BASP1: variants seen among roughly 807,000 people sequenced by gnomAD.
BASP1 encodes the protein brain abundant membrane attached signal protein 1, also known as brain acid soluble protein 1.
BASP1 carries 1 observed loss-of-function variant against 2.2 expected under a neutral mutation model. That is an observed-to-expected ratio of 0.46 (90% CI 0.16 to 2.17). The LOEUF is 2.17. Among genes scored for constraint, BASP1 ranks in the 30% most tolerant of loss-of-function variants. The probability of loss-of-function intolerance (pLI) is 0.27; values close to 1 mark genes in which losing one functional copy is unlikely to be tolerated. For synonymous variants in BASP1, 187 were observed against 154.2 expected (o/e 1.21, Z -1.58); for missense variants, 352 against 327.2 (o/e 1.08, Z -0.58).
At position 17,275,430 on chromosome 5, in the gene BASP1, G is replaced by A. The variant is rs1309059503; in HGVS notation, c.214G>A (p.Glu72Lys). The A allele has an allele frequency of 7.1e-6, 11 of 1,540,748 alleles. No individual in the cohort carries two copies. The South Asian group carries it at 8.4e-5, about 12-fold the overall frequency. Residue 72 changes from glutamate (E) to lysine (K), a missense_variant, in exon 2 of 2, where the codon GAG becomes AAG. Transcript: ENST00000322611. The surrounding 1 kb of genome is among the most constrained non-coding windows in gnomAD (Gnocchi z 5.3). ...AEGKAEEKEGEKDAAAAKEEA... is the reference protein window; with the variant it reads ...AEGKAEEKEGKKDAAAAKEEA... ...GGGCAAGGCCGAGGAGAAGGAGGGC[G>A]AGAAGGACGCGGCGGCTGCCAAGGA...
intron 1 of BASP1, among the ~76,000 whole-genome samples, chr5:17,225,381 A>G (rs1477908315): frequency 2.0e-5 from 3 of 151,840 alleles, no homozygotes; most frequent in Non-Finnish European, 4.4e-5. Flanking sequence ...TGCAGTCACT[A>G]CCTGCTGCCA....
chr5:17,266,542 C>T (rs993154673), intron 1 of BASP1, among the ~76,000 whole-genome samples: 1 of 152,202 alleles, frequency 6.6e-6, no homozygotes, highest in Non-Finnish European at 1.5e-5. Context: ...CATGGTGGCT[C>T]ACGCCTGTAA....
chr5:17,230,667 G>A (rs1226564259), intron 1 of BASP1, among the ~76,000 whole-genome samples: 1 of 151,986 alleles, frequency 6.6e-6, no homozygotes, highest in African/African-American at 2.4e-5. Flanking sequence ...GAGTTCAAGC[G>A]ATTCTCCTGC....
chr5:17,257,327 A>AAAAG (rs10693361), intron 1 of BASP1, among the ~76,000 whole-genome samples: 1 of 151,484 alleles, frequency 6.6e-6, no homozygotes, highest in African/African-American at 2.4e-5. Context: ...AACAAAACAA[A>AAAAG]AAGAGTGATT....
At chr5:17,225,233 T>C (rs1739473877) in intron 1 of BASP1, among the ~76,000 whole-genome samples, 1 of 150,792 alleles carries the variant, frequency 6.6e-6, no homozygotes, top group Non-Finnish European at 1.5e-5. Context: ...AACGTAAAAC[T>C]TTTTTTTCTA....
intron 1 of BASP1, among the ~76,000 whole-genome samples, chr5:17,232,388 G>C (rs1039990969): frequency 1.3e-5 from 2 of 152,194 alleles, no homozygotes; most frequent in African/African-American, 4.8e-5. Flanking sequence ...CCCTAGAAAA[G>C]CAGGTGGCTT....
chr5:17,264,659 T>C (rs765652187), intron 1 of BASP1, among the ~76,000 whole-genome samples: 3 of 152,184 alleles, frequency 2.0e-5, no homozygotes, highest in South Asian at 4.1e-4. Context: ...CTTGTCTTGA[T>C]TGCAATGATG....
Position 17,218,150 on chromosome 5 carries a change from C to G in BASP1, c.-10+340C>G, listed in dbSNP as rs889918208. On this transcript the variant is annotated intron_variant, in intron 1 of 1. Coordinates refer to ENST00000322611, the MANE Select transcript of BASP1 (RefSeq NM_006317.5). ...GGGAGGAATTGCCGAATGCGAAACC[C>G]CCTCAGTGCGTTGAGTCCCGGGGAG... 4.6e-5 allele frequency among the ~76,000 whole-genome samples: 7 copies of G among 151,946 alleles called. No homozygotes were observed. In the East Asian group the frequency reaches 1.4e-3, roughly 30 times the overall value.
In BASP1 at chr5:17,236,861, A is replaced by G. The variant is rs1167278948; in HGVS notation, c.-10+19051A>G. On this transcript the variant is annotated intron_variant, in intron 1 of 1. Coordinates refer to ENST00000322611, the MANE Select transcript of BASP1 (RefSeq NM_006317.5). This position sits in a 1 kb window ranked among gnomAD's most constrained non-coding sequence, Gnocchi z 4.0. ...TTGGTATCTTCTAATCTTCAGAAAA[A>G]AATTCTTAATAGGCAGTCGATGTAA... Among the ~76,000 whole-genome samples the G allele has an allele frequency of 6.6e-6, 1 of 152,208 alleles. No homozygotes were observed. The highest frequency in any genetic ancestry group is 1.9e-4 in the East Asian group (1 of 5,194).
intron 1 of BASP1, among the ~76,000 whole-genome samples, chr5:17,231,559 C>T (rs1739634627): frequency 1.3e-5 from 2 of 152,148 alleles, no homozygotes; most frequent in Admixed American, 1.3e-4. Context: ...TTCAGCCATA[C>T]CAACAGGCTC....
intron 1 of BASP1, among the ~76,000 whole-genome samples, chr5:17,239,267 G>A (rs1016983401): frequency 2.0e-5 from 3 of 152,036 alleles, no homozygotes; most frequent in Non-Finnish European, 2.9e-5. Flanking sequence ...CTAATTTTTT[G>A]TATTTTCAGT....
At chr5:17,273,731 T>C (rs1196662871) in intron 1 of BASP1, among the ~76,000 whole-genome samples, 1 of 152,222 alleles carries the variant, frequency 6.6e-6, no homozygotes, top group Non-Finnish European at 1.5e-5. Flanking sequence ...GTGTGTACAG[T>C]TCTGCCAGTG....
At chr5:17,237,293 G>A (rs984618462) in intron 1 of BASP1, among the ~76,000 whole-genome samples, 12 of 151,944 alleles carry the variant, frequency 7.9e-5, no homozygotes, top group African/African-American at 2.2e-4. Context: ...GCAGTGAGCC[G>A]AGATCGCACC....
intron 1 of BASP1, among the ~76,000 whole-genome samples, chr5:17,232,208 C>T (rs971665317): frequency 2.6e-5 from 4 of 152,164 alleles, no homozygotes; most frequent in African/African-American, 9.7e-5. Context: ...TTGTGGGAAC[C>T]TTTCAGAAAC....
chr5:17,233,622 C>T (rs987332927), intron 1 of BASP1, among the ~76,000 whole-genome samples: 1 of 152,168 alleles, frequency 6.6e-6, no homozygotes, highest in Non-Finnish European at 1.5e-5. Context: ...TGTTTGGAAG[C>T]CTTGGCTCAT....
chr5:17,245,708 C>A (rs1579490829), intron 1 of BASP1, among the ~76,000 whole-genome samples: 1 of 147,694 alleles, frequency 6.8e-6, no homozygotes. Flanking sequence ...TTTTAAAAAA[C>A]AAAAACTTAC....
chr5:17,266,178 G>A (rs901480046), intron 1 of BASP1, among the ~76,000 whole-genome samples: 1 of 152,222 alleles, frequency 6.6e-6, no homozygotes, highest in African/African-American at 2.4e-5. Context: ...ACCCTGGTGT[G>A]TCTCTGACAG....
At position 17,275,545 on chromosome 5, in the gene BASP1, C is replaced by T; in HGVS notation, c.329C>T (p.Ala110Val). Residue 110 changes from alanine to valine, a missense_variant, in exon 2 of 2, where the codon GCC (alanine) becomes GTC (valine). Transcript: ENST00000322611. This position sits in a 1 kb window ranked among gnomAD's most constrained non-coding sequence, Gnocchi z 5.3. ...PPKAPEQEQA[A>V]PGPAAGGEAP... ...AAGGCGCCCGAGCAGGAGCAGGCGG[C>T]CCCCGGCCCCGCTGCGGGCGGCGAG... is the stretch of plus-strand genomic sequence containing the variant. 7.1e-7 allele frequency: 1 copy of T among 1,400,904 alleles called. No individual in the cohort carries two copies. The highest frequency in any genetic ancestry group is 1.6e-5 in the South Asian group (1 of 61,402). 86.8% of individuals were successfully genotyped at this position (1,400,904 alleles called of 1,614,324 possible). A position where few individuals can be genotyped will look rare whatever the true frequency, so the allele number is the denominator to read the frequency against.
intron 1 of BASP1, among the ~76,000 whole-genome samples, chr5:17,225,061 A>G (rs1302790761): frequency 6.6e-6 from 1 of 152,190 alleles, no homozygotes; most frequent in Non-Finnish European, 1.5e-5. Flanking sequence ...GGAACTCAAA[A>G]TAATCTTAGA....
Sources: allele counts gnomAD v4.1 joint callset (sites outside exome capture counted in the v4.1 genomes callset), GRCh38; gene constraint gnomAD v4.1.1; non-coding constraint Gnocchi (gnomAD v3.1); transcripts MANE v1.5; gene names NCBI Gene and HGNC (gene_info 2026-07-23, HGNC 2026-07-21).